Variants in ZHX2 observed in about 807,000 individuals in gnomAD.
The protein encoded by ZHX2 is zinc fingers and homeoboxes 2.
In ZHX2, 6 loss-of-function variants were observed where a neutral mutation model predicts 21.9. That is an observed-to-expected ratio of 0.27 (90% CI 0.15 to 0.54). ZHX2 has a LOEUF of 0.54. Among genes scored for constraint, ZHX2 ranks in the 20% least tolerant of loss-of-function variants. The probability of loss-of-function intolerance (pLI) is 0.95; values close to 1 mark genes in which losing one functional copy is unlikely to be tolerated. For synonymous variants in ZHX2, 434 were observed against 437.1 expected, an observed-to-expected ratio of 0.99 and a Z score of 0.09; for missense variants, 908 against 1,090.7, an observed-to-expected ratio of 0.83 and a Z score of 2.36.
At chr8:122,850,702 CT>C (rs377345942) in intron 1 of ZHX2, among the ~76,000 whole-genome samples, 438 of 151,128 alleles carry the variant, frequency 2.9e-3, no homozygotes, top group Middle Eastern at 7.0e-3. Context: ...TAGCTGTTGG[CT>C]GTCCTCTCAC....
intron 1 of ZHX2, among the ~76,000 whole-genome samples, chr8:122,831,128 G>C (rs930992149): frequency 6.6e-6 from 1 of 152,232 alleles, no homozygotes; most frequent in South Asian, 2.1e-4. Flanking sequence ...AATATTTGCA[G>C]CTTCTGAAGT....
chr8:122,832,722 G>A (rs1818404766), intron 1 of ZHX2, among the ~76,000 whole-genome samples: 1 of 152,148 alleles, frequency 6.6e-6, no homozygotes, highest in South Asian at 2.1e-4. Flanking sequence ...TGCTTAGTTT[G>A]CGGAGGCGGG....
intron 1 of ZHX2, among the ~76,000 whole-genome samples, chr8:122,832,652 G>C (rs554418898): frequency 1.3e-5 from 2 of 152,270 alleles, no homozygotes; most frequent in South Asian, 2.1e-4. Flanking sequence ...GGCAAGTAGA[G>C]CGAAGGAGGG....
At chr8:122,950,254 T>C (rs1035959247) in intron 2 of ZHX2, among the ~76,000 whole-genome samples, 19 of 152,196 alleles carry the variant, frequency 1.2e-4, no homozygotes, top group African/African-American at 4.3e-4. Flanking sequence ...AAAAAAAGAA[T>C]GAGTTTATGT....
chr8:122,902,245 T>C (rs1459392531), intron 2 of ZHX2, among the ~76,000 whole-genome samples: 1 of 152,164 alleles, frequency 6.6e-6, no homozygotes, highest in South Asian at 2.1e-4. Context: ...CTGTTGAGGA[T>C]ACAAAAATGA....
At chr8:122,806,724 C>G (rs962200567) in intron 1 of ZHX2, among the ~76,000 whole-genome samples, 1 of 152,170 alleles carries the variant, frequency 6.6e-6, no homozygotes, top group Non-Finnish European at 1.5e-5. Flanking sequence ...GTGACTGTCC[C>G]ATTTGACACT....
At chr8:122,869,825 G>T (rs1405747135) in intron 2 of ZHX2, among the ~76,000 whole-genome samples, 1 of 152,208 alleles carries the variant, frequency 6.6e-6, no homozygotes, top group Admixed American at 6.5e-5. Flanking sequence ...CATGTGCTGT[G>T]CCTTCCTCAT....
intron 2 of ZHX2, among the ~76,000 whole-genome samples, chr8:122,929,636 G>A (rs1232773898): frequency 3.4e-4 from 48 of 143,002 alleles, no homozygotes; most frequent in Non-Finnish European, 4.6e-5. Flanking sequence ...GCGAGACCAT[G>A]TCTTAAAAAA....
intron 2 of ZHX2, among the ~76,000 whole-genome samples, chr8:122,919,116 AG>A (rs1820675816): frequency 6.6e-6 from 1 of 152,136 alleles, no homozygotes; most frequent in Non-Finnish European, 1.5e-5. Context: ...TAGCCAGGCA[AG>A]CCTTCCTCCC....
chr8:122,853,668 C>A (rs1818957726), intron 1 of ZHX2, among the ~76,000 whole-genome samples: 1 of 152,090 alleles, frequency 6.6e-6, no homozygotes, highest in Admixed American at 6.5e-5. Flanking sequence ...TTCATACTCT[C>A]CCACCCTTCT....
intron 3 of ZHX2, among the ~76,000 whole-genome samples, chr8:122,967,203 A>AT (rs1299514992): frequency 1.3e-5 from 2 of 152,176 alleles, no homozygotes; most frequent in African/African-American, 2.4e-5. Context: ...GTGTGATCTT[A>AT]TGGGAGTGTT....
rs77032904 is a variant in ZHX2, at chr8:122,813,974, T to C, written c.-283+32028T>C. ...GTGGTAGACATTCTTGTCCCCATTT[T>C]ATAGATGAGAAAGCTGAGATGAATT... On this transcript the variant is annotated intron_variant, in intron 1 of 3. Transcript: ENST00000314393. 6.2e-3 allele frequency among the ~76,000 whole-genome samples: 951 copies of C among 152,354 alleles called. 7 individuals are homozygous for C. The highest frequency in any genetic ancestry group is 0.022 in the African/African-American group (920 of 41,584).
chr8:122,931,194 T>G (rs1164457333), intron 2 of ZHX2, among the ~76,000 whole-genome samples: 1 of 152,182 alleles, frequency 6.6e-6, no homozygotes, highest in African/African-American at 2.4e-5. Context: ...GAAGCTGTTT[T>G]GTTGTGTTAG....
At chr8:122,874,578 C>T (rs927523715) in intron 2 of ZHX2, among the ~76,000 whole-genome samples, 1 of 152,170 alleles carries the variant, frequency 6.6e-6, no homozygotes, top group Non-Finnish European at 1.5e-5. Context: ...AGTGATCCGC[C>T]TACCTCGGCC....
At chr8:122,921,314 C>T (rs1249045249) in intron 2 of ZHX2, among the ~76,000 whole-genome samples, 1 of 152,076 alleles carries the variant, frequency 6.6e-6, no homozygotes, top group Non-Finnish European at 1.5e-5. Context: ...GAACTCCTGA[C>T]CTCAGGTGAC....
At chr8:122,851,833 G>T (rs908440755) in intron 1 of ZHX2, among the ~76,000 whole-genome samples, 1 of 152,138 alleles carries the variant, frequency 6.6e-6, no homozygotes, top group African/African-American at 2.4e-5. Context: ...GAACCAACTC[G>T]TCTTACTCCA....
intron 2 of ZHX2, among the ~76,000 whole-genome samples, chr8:122,902,983 C>T (rs1446527648): frequency 6.6e-6 from 1 of 152,184 alleles, no homozygotes; most frequent in African/African-American, 2.4e-5. Flanking sequence ...TGGTGAGACT[C>T]ATGTGCACAG....
chr8:122,847,812 C>T (rs16897541), intron 1 of ZHX2, among the ~76,000 whole-genome samples: 12,966 of 152,230 alleles, frequency 0.085, 742 homozygotes, highest in African/African-American at 0.16. Flanking sequence ...GACCAGTCTC[C>T]GCCCTCTGAA....
chr8:122,858,925 G>C (rs1819100452), intron 1 of ZHX2, among the ~76,000 whole-genome samples: 1 of 152,192 alleles, frequency 6.6e-6, no homozygotes, highest in Admixed American at 6.5e-5. Flanking sequence ...ACAGGCATGA[G>C]CCACCACGCC....
Sources: allele counts gnomAD v4.1 joint callset (sites outside exome capture counted in the v4.1 genomes callset), GRCh38; gene constraint gnomAD v4.1.1; transcripts MANE v1.5; gene names NCBI Gene and HGNC (gene_info 2026-07-23, HGNC 2026-07-21).